Variants in CHIC2 observed in about 807,000 individuals in gnomAD.
The protein encoded by CHIC2 is cysteine-rich hydrophobic domain-containing protein 2.
A neutral mutation model predicts 25.9 loss-of-function variants in CHIC2; 14 were observed. That is an observed-to-expected ratio of 0.54 (90% confidence interval 0.36 to 0.85). The LOEUF is 0.85. Among genes scored for constraint, CHIC2 ranks in the 40% least tolerant of loss-of-function variants. The pLI is 0.01. For synonymous variants in CHIC2, 70 were observed against 72.0 expected, an observed-to-expected ratio of 0.97 and a Z score of 0.14; for missense variants, 146 against 202.0, an observed-to-expected ratio of 0.72 and a Z score of 1.68.
chr4:54,031,467 A>T (rs767452071), intron 3 of CHIC2, among the ~76,000 whole-genome samples: 39 of 152,152 alleles, frequency 2.6e-4, no homozygotes, highest in Non-Finnish European at 5.1e-4. Flanking sequence ...AGTAGATGCT[A>T]GGCACTGTGA....
At chr4:54,011,312 C>G (rs1022916694) in intron 5 of CHIC2, among the ~76,000 whole-genome samples, 1 of 152,044 alleles carries the variant, frequency 6.6e-6, no homozygotes, top group African/African-American at 2.4e-5. Flanking sequence ...CTCTAGGTAT[C>G]CTGCACTAAG....
chr4:54,050,923 T>C (rs1577983443), intron 1 of CHIC2, among the ~76,000 whole-genome samples: 1 of 152,190 alleles, frequency 6.6e-6, no homozygotes, highest in African/African-American at 2.4e-5. Flanking sequence ...TGCCACTCTT[T>C]CCTTAGAAAT....
chr4:54,021,531 C>G (rs1397024932), intron 3 of CHIC2, among the ~76,000 whole-genome samples: 2 of 152,128 alleles, frequency 1.3e-5, no homozygotes, highest in Non-Finnish European at 2.9e-5. Flanking sequence ...TATCAACTCC[C>G]CTCACACCCA....
At chr4:54,038,122 A>T (rs574493144) in intron 3 of CHIC2, among the ~76,000 whole-genome samples, 1 of 152,260 alleles carries the variant, frequency 6.6e-6, no homozygotes, top group South Asian at 2.1e-4. Flanking sequence ...ATTTTATTAG[A>T]ACTCCTACAC....
At chr4:54,068,580 G>A (rs114172643), upstream of CHIC2, among the ~76,000 whole-genome samples, 518 of 152,282 alleles carry the variant, frequency 3.4e-3, 4 homozygotes, top group African/African-American at 0.012. Context: ...ATGGTATTTT[G>A]TGTGGCAGCC....
the CHIC2 span, among the ~76,000 whole-genome samples, chr4:54,078,534 G>C: frequency 6.6e-6 from 1 of 151,390 alleles, no homozygotes; most frequent in African/African-American, 2.4e-5. Flanking sequence ...TTATTGTTTT[G>C]AGACAGAGTC....
chr4:54,011,384 TC>T (rs1715581459), intron 5 of CHIC2, among the ~76,000 whole-genome samples: 1 of 152,120 alleles, frequency 6.6e-6, no homozygotes, highest in Non-Finnish European at 1.5e-5. Context: ...ATTCACTAGC[TC>T]CCTGTTAAAA....
At chr4:54,011,982 T>A (rs1304707216) in intron 5 of CHIC2, among the ~76,000 whole-genome samples, 1 of 152,098 alleles carries the variant, frequency 6.6e-6, no homozygotes, top group Non-Finnish European at 1.5e-5. Context: ...ATAAAATGAA[T>A]TTTATTTGCT....
At chr4:54,022,661 C>T (rs1715938973) in intron 3 of CHIC2, among the ~76,000 whole-genome samples, 1 of 152,084 alleles carries the variant, frequency 6.6e-6, no homozygotes, top group Non-Finnish European at 1.5e-5. Flanking sequence ...AAGCCTCCTT[C>T]ACATCTTCCT....
chr4:54,087,993 T>C, the CHIC2 span, among the ~76,000 whole-genome samples: 1 of 152,202 alleles, frequency 6.6e-6, no homozygotes, highest in Non-Finnish European at 1.5e-5. Context: ...GGGTATGCAG[T>C]AATTAGAACA....
the CHIC2 span, among the ~76,000 whole-genome samples, chr4:54,090,547 C>A: frequency 6.6e-6 from 1 of 152,202 alleles, no homozygotes; most frequent in Non-Finnish European, 1.5e-5. Context: ...CATCCTCCCT[C>A]TTTCCCCACA....
chr4:54,036,848 C>A, intron 3 of CHIC2, among the ~76,000 whole-genome samples: 1 of 151,210 alleles, frequency 6.6e-6, no homozygotes, highest in South Asian at 2.1e-4. Flanking sequence ...CAAGGCATTC[C>A]ACTCAGGAAT....
chr4:54,027,974 T>C (rs1195178917), intron 3 of CHIC2, among the ~76,000 whole-genome samples: 1 of 152,186 alleles, frequency 6.6e-6, no homozygotes, highest in Non-Finnish European at 1.5e-5. Flanking sequence ...AACTATAACT[T>C]TGTATAAAAT....
chr4:54,018,036 T>G (rs1715791746), intron 3 of CHIC2, among the ~76,000 whole-genome samples: 1 of 152,178 alleles, frequency 6.6e-6, no homozygotes, highest in Non-Finnish European at 1.5e-5. Flanking sequence ...GAATAGAAAT[T>G]TTGGCTTCTA....
At chr4:54,038,428 T>G (rs564459801) in intron 3 of CHIC2, among the ~76,000 whole-genome samples, 66 of 152,188 alleles carry the variant, frequency 4.3e-4, no homozygotes, top group African/African-American at 1.5e-3. Flanking sequence ...ATGAGCATAA[T>G]CTATATGCTA....
At chr4:54,068,389 T>C (rs1415168477), upstream of CHIC2, among the ~76,000 whole-genome samples, 1 of 151,920 alleles carries the variant, frequency 6.6e-6, no homozygotes, top group Non-Finnish European at 1.5e-5. Flanking sequence ...TCCACTATCT[T>C]AGAACACAGC....
chr4:54,086,133 G>C, the CHIC2 span, among the ~76,000 whole-genome samples: 1 of 151,658 alleles, frequency 6.6e-6, no homozygotes, highest in Non-Finnish European at 1.5e-5. Context: ...CCTCTGCCAG[G>C]TTCTGCTTTA....
chr4:54,048,145 C>A (rs1200765459), intron 3 of CHIC2, among the ~76,000 whole-genome samples: 1 of 152,050 alleles, frequency 6.6e-6, no homozygotes, highest in Non-Finnish European at 1.5e-5. Flanking sequence ...CCCGCCACCA[C>A]GCCTGGCTAA....
chr4:54,010,826 T>C (rs1008052815), intron 5 of CHIC2, among the ~76,000 whole-genome samples: 1 of 152,124 alleles, frequency 6.6e-6, no homozygotes, highest in Non-Finnish European at 1.5e-5. Context: ...TACCAGAATA[T>C]GTAATCTTTA....
Sources: allele counts gnomAD v4.1 joint callset (sites outside exome capture counted in the v4.1 genomes callset), GRCh38; gene constraint gnomAD v4.1.1; transcripts MANE v1.5; gene names NCBI Gene and HGNC (gene_info 2026-07-23, HGNC 2026-07-21).